EBF1: variants seen among roughly 807,000 people sequenced by gnomAD.
EBF1 encodes EBF transcription factor 1.
EBF1 carries 10 observed loss-of-function variants against 68.4 expected under a neutral mutation model. The ratio of observed to expected loss-of-function variants is 0.15; its 90% CI spans 0.09 to 0.25. EBF1 has a LOEUF of 0.25. Among genes scored for constraint, EBF1 ranks in the 10% least tolerant of loss-of-function variants. EBF1 has a pLI of 1.00. For synonymous variants in EBF1, 298 were observed against 299.8 expected (o/e 0.99, Z 0.06); for missense variants, 509 against 794.4 (o/e 0.64, Z 4.32).
chr5:158,886,768 T>C lies in EBF1; in HGVS notation c.555-46658A>G, dbSNP rs376473031. 1.6e-4 allele frequency among the ~76,000 whole-genome samples: 24 copies of C among 152,312 alleles called. No homozygotes were observed. In the East Asian group the frequency reaches 2.3e-3, roughly 15 times the overall value. ...GGCTCATGCCTGTAATCCCAGCACT[T>C]AGGGAGGCCAAGGCAGGCAGACCAC... On this transcript the variant is annotated intron_variant, in intron 6 of 15. Coordinates refer to ENST00000313708, the MANE Select transcript of EBF1 (RefSeq NM_024007.5).
intron 6 of EBF1, among the ~76,000 whole-genome samples, chr5:158,947,318 G>A (rs1445829499): frequency 2.0e-5 from 3 of 152,306 alleles, no homozygotes; most frequent in African/African-American, 7.2e-5. Context: ...GGGCCATTGT[G>A]GTATTGGCAA....
intron 8 of EBF1, among the ~76,000 whole-genome samples, chr5:158,818,938 A>G (rs1784287212): frequency 6.6e-6 from 1 of 151,840 alleles, no homozygotes; most frequent in South Asian, 2.1e-4. Context: ...AATAACAAAA[A>G]AAAAAAAAAC....
At chr5:158,993,496 T>C (rs987509486) in intron 6 of EBF1, among the ~76,000 whole-genome samples, 3 of 152,286 alleles carry the variant, frequency 2.0e-5, no homozygotes, top group African/African-American at 7.2e-5. Flanking sequence ...GGGATAAAAA[T>C]TCTACTCACA....
chr5:159,098,969 C>A (rs562728750), intron 1 of EBF1, among the ~76,000 whole-genome samples: 2 of 151,458 alleles, frequency 1.3e-5, no homozygotes, highest in African/African-American at 2.4e-5. Flanking sequence ...AAAGGAAGAG[C>A]GAAGGGAAAG....
chr5:159,050,972 T>C (rs72813940), intron 6 of EBF1, among the ~76,000 whole-genome samples: 5,312 of 152,288 alleles, frequency 0.035, 140 homozygotes, highest in Non-Finnish European at 0.051. Flanking sequence ...AACTTTACCC[T>C]GGTGAACACC....
At chr5:159,038,808 C>T (rs183910886) in intron 6 of EBF1, among the ~76,000 whole-genome samples, 4 of 152,290 alleles carry the variant, frequency 2.6e-5, no homozygotes, top group Middle Eastern at 3.4e-3. Context: ...CACCCTAACT[C>T]TTCCCAGGAG....
chr5:159,082,620 A>T (rs1779936721), intron 5 of EBF1, among the ~76,000 whole-genome samples: 3 of 152,192 alleles, frequency 2.0e-5, no homozygotes, highest in Admixed American at 2.0e-4. Context: ...AAAGCCCCCT[A>T]AAGAGCATCA....
intron 8 of EBF1, among the ~76,000 whole-genome samples, chr5:158,803,370 T>TC (rs1278960916): frequency 6.6e-6 from 1 of 151,074 alleles, no homozygotes. Flanking sequence ...TTTTTTTTTT[T>TC]TTCAGTGAAT....
chr5:158,699,227 A>C, intron 15 of EBF1, 85 bp from the exon 16 acceptor site: 5 of 1,294,734 alleles, frequency 3.9e-6, no homozygotes, highest in Non-Finnish European at 5.4e-6. Flanking sequence ...AAAAAAAAAA[A>C]CACCCACACA....
intron 5 of EBF1, among the ~76,000 whole-genome samples, chr5:159,081,766 C>T (rs1403400988): frequency 6.6e-6 from 1 of 152,208 alleles, no homozygotes; most frequent in Non-Finnish European, 1.5e-5. Flanking sequence ...TTTCCATCCA[C>T]ATTTAAACAC....
intron 6 of EBF1, among the ~76,000 whole-genome samples, chr5:159,043,240 T>C (rs1771617310): frequency 6.6e-6 from 1 of 152,168 alleles, no homozygotes; most frequent in African/African-American, 2.4e-5. Flanking sequence ...GACTCCAGCA[T>C]GTATGTTTGG....
intron 6 of EBF1, among the ~76,000 whole-genome samples, chr5:158,974,054 G>A (rs970223435): frequency 5.3e-5 from 8 of 152,192 alleles, no homozygotes; most frequent in South Asian, 4.1e-4. Context: ...CACAGTGAAC[G>A]TGTTTGTAGG....
chr5:158,934,897 A>C (rs1281943883), intron 6 of EBF1, among the ~76,000 whole-genome samples: 1 of 152,230 alleles, frequency 6.6e-6, no homozygotes, highest in East Asian at 1.9e-4. Context: ...CAAGTCTACA[A>C]GGCAGACATT....
rs1581108154 is a variant in EBF1, at chr5:158,696,719, C to T, written c.*2392G>A. 5.6e-6 allele frequency: 1 copy of T among 179,848 alleles called. No homozygotes were observed. Among genetic ancestry groups the T allele is most frequent in the Non-Finnish European group, 1.2e-5 (1 of 86,436 alleles). 11.1% of individuals were successfully genotyped at this position (179,848 alleles called of 1,614,324 possible). ...CCCCTACCCTCCCACAACTCCCCTCCCCCACCCACCCCAACCCATAAAAAT... is the reference window on the plus strand; with the variant it reads ...CCCCTACCCTCCCACAACTCCCCTCTCCCACCCACCCCAACCCATAAAAAT... On this transcript the variant is annotated 3_prime_UTR_variant, in exon 16 of 16. Coordinates refer to ENST00000313708, the MANE Select transcript of EBF1 (RefSeq NM_024007.5).
intron 4 of EBF1, among the ~76,000 whole-genome samples, chr5:159,085,160 T>C (rs1381714939): frequency 6.6e-6 from 1 of 152,252 alleles, no homozygotes; most frequent in East Asian, 1.9e-4. Flanking sequence ...ACTTCCAGGC[T>C]CAACATTTAG....
intron 11 of EBF1, among the ~76,000 whole-genome samples, chr5:158,720,019 T>C (rs1761595510): frequency 6.6e-6 from 1 of 152,176 alleles, no homozygotes; most frequent in Admixed American, 6.6e-5. Context: ...ATTTCCCTGA[T>C]ACCCATTTAT....
intron 8 of EBF1, among the ~76,000 whole-genome samples, chr5:158,820,053 T>A (rs904354576): frequency 1.3e-5 from 2 of 152,122 alleles, no homozygotes; most frequent in African/African-American, 4.8e-5. Flanking sequence ...CTGTCTCTAC[T>A]TATACACAGA....
chr5:159,077,675 A>G (rs561755881), intron 5 of EBF1, among the ~76,000 whole-genome samples: 5 of 151,564 alleles, frequency 3.3e-5, no homozygotes, highest in Non-Finnish European at 7.4e-5. Context: ...GTTAACCTAT[A>G]GAGAGTGGAA....
chr5:158,712,363 G>A, intron 13 of EBF1, 30 bp from the exon 14 acceptor site: 1 of 1,609,798 alleles, frequency 6.2e-7, no homozygotes. Flanking sequence ...CCGGAGGTGA[G>A]GGTGGCATTC....
Sources: gnomAD v4.1 joint callset for allele counts (sites outside exome capture counted in the v4.1 genomes callset) on GRCh38, gnomAD v4.1.1 for gene constraint, MANE v1.5 for transcripts, NCBI Gene and HGNC (gene_info 2026-07-23, HGNC 2026-07-21) for gene names.